CCDC178: variants seen among roughly 807,000 people sequenced by gnomAD.
CCDC178 encodes coiled-coil domain-containing protein 178.
A neutral mutation model predicts 117.4 loss-of-function variants in CCDC178; 126 were observed. The observed-to-expected ratio is 1.07, with a 90% confidence interval of 0.93 to 1.24. CCDC178 has a LOEUF of 1.24. Among genes scored for constraint, CCDC178 ranks in the 50% most tolerant of loss-of-function variants. The pLI, the probability that CCDC178 is intolerant of heterozygous loss-of-function variation, is 0.00. For synonymous variants in CCDC178, 283 were observed against 313.4 expected, an observed-to-expected ratio of 0.90 and a Z score of 1.02; for missense variants, 1,030 against 986.9, an observed-to-expected ratio of 1.04 and a Z score of -0.59.
rs1433372300 is a variant in CCDC178 at position 33,105,936 on chromosome 18, A to G, written c.2239-13026T>C. Reference sequence around the variant, plus strand: ...TGTAGTTGATTTTCAAAAATTACAGAGGATCTTCACAGTTGCCAGTGGAAA... The same window carrying G: ...TGTAGTTGATTTTCAAAAATTACAGGGGATCTTCACAGTTGCCAGTGGAAA... On this transcript the variant is annotated intron_variant, in intron 20 of 22. Transcript: ENST00000383096. Among the ~76,000 whole-genome samples, 15 of 151,724 alleles carry G rather than the reference A, an allele frequency of 9.9e-5. No individual in the cohort carries two copies. In the Admixed American group the frequency reaches 9.9e-4, roughly 10 times the overall value.
At chr18:33,339,639 G>A (rs181683725) in intron 9 of CCDC178, among the ~76,000 whole-genome samples, 139 of 152,110 alleles carry the variant, frequency 9.1e-4, no homozygotes, top group Non-Finnish European at 1.6e-3. Flanking sequence ...TGTTGTGGAA[G>A]GGACCCAGGG....
chr18:33,283,720 A>T (rs2144835072), intron 12 of CCDC178, among the ~76,000 whole-genome samples: 1 of 152,354 alleles, frequency 6.6e-6, no homozygotes, highest in South Asian at 2.1e-4. Flanking sequence ...ATCTCACACC[A>T]GAAAGAATGG....
rs192668547 is a variant in CCDC178 at position 33,331,819 on chromosome 18, A to T, written c.879+1355T>A. On this transcript the variant is annotated intron_variant, in intron 10 of 22. Transcript: ENST00000383096. ...GAAAAATAACTTGATGTTATCTAAT[A>T]AAATAGTAAATGTGTATAACCCACA... 7.8e-4 allele frequency among the ~76,000 whole-genome samples: 119 copies of T among 152,300 alleles called. 1 individual carries two copies. In the East Asian group the frequency reaches 0.014, roughly 18 times the overall value.
chr18:33,390,804 C>T (rs1377932821), intron 4 of CCDC178, among the ~76,000 whole-genome samples: 1 of 151,372 alleles, frequency 6.6e-6, no homozygotes, highest in Non-Finnish European at 1.5e-5. Flanking sequence ...TCCATGTATG[C>T]TATAAAATAA....
chr18:33,050,034 T>A (rs373343983), intron 21 of CCDC178, among the ~76,000 whole-genome samples: 26 of 152,224 alleles, frequency 1.7e-4, no homozygotes, highest in East Asian at 1.5e-3. Flanking sequence ...TGATCTGAGA[T>A]CCTGCCACTG....
chr18:32,983,314 CAG>C (rs1343274757), intron 21 of CCDC178: 1 of 1,531,414 alleles, frequency 6.5e-7, no homozygotes, highest in Non-Finnish European at 8.7e-7. Flanking sequence ...ATATAATTGG[CAG>C]AGAGTTTGGA....
chr18:33,082,867 T>C (rs2057319432), intron 21 of CCDC178, among the ~76,000 whole-genome samples: 1 of 152,030 alleles, frequency 6.6e-6, no homozygotes, highest in Non-Finnish European at 1.5e-5. Context: ...TGATTTCATA[T>C]AATCTTTCTT....
Position 33,156,665 on chromosome 18 carries a change from A to ATT in CCDC178, c.2238+55230_2238+55231insAA, listed in dbSNP as rs1568023287. The stretch of plus-strand genomic sequence containing the variant: ...TCAAAAAAAAAAAAAAAAAAAAGAG[A>ATT]AAATAAAAGCAAAAGAAGAAGTACT... On this transcript the variant is annotated intron_variant, in intron 20 of 22. Transcript: ENST00000383096. Among the ~76,000 whole-genome samples, 268 of 148,528 alleles carry ATT rather than the reference A, an allele frequency of 1.8e-3. 2 individuals are homozygous for ATT. The highest frequency in any genetic ancestry group is 6.2e-3 in the African/African-American group (252 of 40,838).
intron 15 of CCDC178, among the ~76,000 whole-genome samples, chr18:33,237,692 A>C (rs1032685307): frequency 1.3e-5 from 2 of 152,212 alleles, no homozygotes; most frequent in African/African-American, 4.8e-5. Context: ...TGTGCTGGGC[A>C]TGAGAAACGG....
intron 21 of CCDC178, among the ~76,000 whole-genome samples, chr18:33,039,345 G>A (rs1283357071): frequency 6.6e-6 from 1 of 151,960 alleles, no homozygotes; most frequent in African/African-American, 2.4e-5. Context: ...GTTAAAAGGT[G>A]AGCAAACAAA....
intron 11 of CCDC178, among the ~76,000 whole-genome samples, chr18:33,294,329 TA>T (rs2062078157): frequency 6.6e-6 from 1 of 152,184 alleles, no homozygotes; most frequent in Non-Finnish European, 1.5e-5. Flanking sequence ...TACAACTTTT[TA>T]AAGACACCTT....
At chr18:33,417,992 T>C (rs62090569) in intron 2 of CCDC178, among the ~76,000 whole-genome samples, 505 of 152,276 alleles carry the variant, frequency 3.3e-3, no homozygotes, top group Non-Finnish European at 5.3e-3. Context: ...AGACTCATTC[T>C]ATTAGGCCAG....
At chr18:33,078,855 C>T (rs2057252647) in intron 21 of CCDC178, among the ~76,000 whole-genome samples, 1 of 152,088 alleles carries the variant, frequency 6.6e-6, no homozygotes, top group Admixed American at 6.6e-5. Context: ...TCATACTGCC[C>T]AAAGCAGTTT....
chr18:33,059,945 C>T (rs930161151), intron 21 of CCDC178, among the ~76,000 whole-genome samples: 1 of 152,160 alleles, frequency 6.6e-6, no homozygotes, highest in Non-Finnish European at 1.5e-5. Context: ...ATGTCTTTGA[C>T]TCTCCTTTCC....
intron 20 of CCDC178, among the ~76,000 whole-genome samples, chr18:33,172,610 C>G (rs1464270845): frequency 1.3e-5 from 2 of 152,096 alleles, no homozygotes; most frequent in Admixed American, 1.3e-4. Context: ...CATGGCCTTA[C>G]CACTCTAGGA....
chr18:33,424,362 C>A (rs2064082953), intron 2 of CCDC178, among the ~76,000 whole-genome samples: 1 of 152,158 alleles, frequency 6.6e-6, no homozygotes, highest in Non-Finnish European at 1.5e-5. Flanking sequence ...AAATTTTGAA[C>A]TCACTTAATG....
intron 21 of CCDC178, among the ~76,000 whole-genome samples, chr18:33,053,754 A>G (rs1598832116): frequency 6.6e-6 from 1 of 152,198 alleles, no homozygotes; most frequent in Non-Finnish European, 1.5e-5. Context: ...ATGATGCTCA[A>G]TGTTTCAAGA....
intron 20 of CCDC178, among the ~76,000 whole-genome samples, chr18:33,118,181 A>G (rs1402052615): frequency 2.0e-5 from 3 of 152,086 alleles, no homozygotes; most frequent in Non-Finnish European, 2.9e-5. Flanking sequence ...GGCACTTGAT[A>G]TAATGGTGGA....
At chr18:32,952,310 C>T (rs1179667363) in intron 22 of CCDC178, among the ~76,000 whole-genome samples, 5 of 152,386 alleles carry the variant, frequency 3.3e-5, no homozygotes, top group African/African-American at 1.2e-4. Flanking sequence ...TCTGCCTGAA[C>T]ATACAGGTAT....
Sources: allele counts gnomAD v4.1 joint callset (sites outside exome capture counted in the v4.1 genomes callset), GRCh38; gene constraint gnomAD v4.1.1; transcripts MANE v1.5; gene names NCBI Gene and HGNC (gene_info 2026-07-23, HGNC 2026-07-21).